Variants in DNM3 observed in about 807,000 individuals in gnomAD.
DNM3 encodes the protein dynamin-3.
In DNM3, 47 loss-of-function variants were observed where a neutral mutation model predicts 101.6. That is an observed-to-expected ratio of 0.46 (90% CI 0.37 to 0.59). The LOEUF (loss-of-function observed/expected upper bound fraction) is 0.59, where lower values mean the gene tolerates loss of function less well. Ranked by LOEUF, DNM3 falls within the 20% of genes least tolerant of loss-of-function variation. The probability of loss-of-function intolerance (pLI) is 0.00; values close to 1 mark genes in which losing one functional copy is unlikely to be tolerated. For missense variants in DNM3, 849 were observed against 1,085.7 expected (o/e 0.78, Z 3.06); for synonymous variants, 385 against 387.9 (o/e 0.99, Z 0.09).
chr1:172,197,460 T>C (rs141678793), intron 14 of DNM3, among the ~76,000 whole-genome samples: 1,897 of 152,336 alleles, frequency 0.012, 30 homozygotes, highest in South Asian at 0.021. Flanking sequence ...CATTGGTAGT[T>C]TGATAGGAAT....
chr1:172,044,405 A>C lies in DNM3; in HGVS notation c.1149A>C (p.Glu383Asp). ...EIVKMEFNEK[E>D]LRREISYAIK... is the part of the protein sequence containing the mutation. ...TGCAGATGGAGTTCAATGAGAAAGAATTGCGAAGAGAAATAAGCTATGCAA... is the reference window on the plus strand; with the variant it reads ...TGCAGATGGAGTTCAATGAGAAAGACTTGCGAAGAGAAATAAGCTATGCAA... The change falls in exon 9 of 21, where the codon GAA (glutamate) becomes GAC (aspartate). Residue 383 changes from glutamate to aspartate, a missense_variant. Glu to Asp is a conservative substitution (Grantham distance 45). Transcript: ENST00000627582. 1 of 1,608,662 alleles carries C rather than the reference A, an allele frequency of 6.2e-7. No individual in the cohort carries two copies. Among genetic ancestry groups the C allele is most frequent in the Non-Finnish European group, 8.5e-7 (1 of 1,177,490 alleles).
At chr1:172,340,681 A>G (rs2148957750) in intron 17 of DNM3, among the ~76,000 whole-genome samples, 1 of 152,308 alleles carries the variant, frequency 6.6e-6, no homozygotes, top group South Asian at 2.1e-4. Context: ...TCAGTTGGGG[A>G]AGGGGGAAGC....
At chr1:172,358,775 G>A (rs1156379397) in intron 17 of DNM3, among the ~76,000 whole-genome samples, 2 of 152,006 alleles carry the variant, frequency 1.3e-5, no homozygotes, top group Admixed American at 1.3e-4. Flanking sequence ...AGTATAAAGG[G>A]AATGTTGCCA....
intron 2 of DNM3, among the ~76,000 whole-genome samples, chr1:171,935,149 GAATA>G (rs2041309610): frequency 6.6e-6 from 1 of 151,736 alleles, no homozygotes; most frequent in South Asian, 2.1e-4. Flanking sequence ...ATGTAAAGGA[GAATA>G]AATATATAAA....
At chr1:171,989,530 G>GA (rs1333235201) in intron 4 of DNM3, among the ~76,000 whole-genome samples, 1 of 152,056 alleles carries the variant, frequency 6.6e-6, no homozygotes, top group Non-Finnish European at 1.5e-5. Flanking sequence ...TGCTTCCAGT[G>GA]AAAAACCTTT....
chr1:172,327,872 G>T (rs1034335921), intron 17 of DNM3, among the ~76,000 whole-genome samples: 6 of 152,086 alleles, frequency 3.9e-5, no homozygotes, highest in Non-Finnish European at 8.8e-5. Flanking sequence ...GTCAATCATT[G>T]CATCACCAGT....
At chr1:172,282,346 A>G (rs2063522399) in intron 15 of DNM3, among the ~76,000 whole-genome samples, 1 of 152,184 alleles carries the variant, frequency 6.6e-6, no homozygotes, top group Non-Finnish European at 1.5e-5. Flanking sequence ...AATGCTTTGC[A>G]TGCATTATTT....
intron 12 of DNM3, among the ~76,000 whole-genome samples, chr1:172,086,262 T>A (rs1219030541): frequency 6.6e-6 from 1 of 152,188 alleles, no homozygotes; most frequent in East Asian, 1.9e-4. Flanking sequence ...TTAAAGATCC[T>A]GGAGGAGAAA....
chr1:171,883,183 T>C (rs1376527918), intron 1 of DNM3, among the ~76,000 whole-genome samples: 1 of 151,932 alleles, frequency 6.6e-6, no homozygotes, highest in East Asian at 2.0e-4. Context: ...TCTCTTATCA[T>C]TGGATATTTA....
chr1:172,110,933 G>T (rs1456405500), intron 13 of DNM3, among the ~76,000 whole-genome samples: 3 of 152,208 alleles, frequency 2.0e-5, no homozygotes, highest in Non-Finnish European at 4.4e-5. Context: ...CTACTCAGGA[G>T]GCTAATGTGG....
intron 2 of DNM3, among the ~76,000 whole-genome samples, chr1:171,927,050 C>T (rs2040627056): frequency 6.6e-6 from 1 of 152,030 alleles, no homozygotes; most frequent in African/African-American, 2.4e-5. Context: ...CTAACCAGGA[C>T]AGCTGGGGAA....
chr1:171,899,690 T>C (rs1260105843), intron 1 of DNM3, among the ~76,000 whole-genome samples: 3 of 152,254 alleles, frequency 2.0e-5, no homozygotes, highest in Non-Finnish European at 4.4e-5. Flanking sequence ...TGAGGGCCTA[T>C]GCTATACCAG....
At chr1:171,948,660 A>G (rs888653781) in intron 2 of DNM3, among the ~76,000 whole-genome samples, 4 of 152,168 alleles carry the variant, frequency 2.6e-5, no homozygotes, top group African/African-American at 7.2e-5. Context: ...TACTGGTTCT[A>G]CTGGAACCCT....
intron 17 of DNM3, among the ~76,000 whole-genome samples, chr1:172,354,924 T>A (rs2067374805): frequency 6.6e-6 from 1 of 152,026 alleles, no homozygotes; most frequent in South Asian, 2.1e-4. Context: ...GTGAAAATGG[T>A]GAATCAAGAA....
At chr1:171,882,362 C>G (rs1325950528) in intron 1 of DNM3, among the ~76,000 whole-genome samples, 1 of 121,886 alleles carries the variant, frequency 8.2e-6, no homozygotes, top group African/African-American at 3.1e-5. Context: ...AAAAAAAGCC[C>G]TTTTGCATAA....
chr1:172,119,697 G>C (rs2056175927), intron 13 of DNM3, among the ~76,000 whole-genome samples: 2 of 152,122 alleles, frequency 1.3e-5, no homozygotes, highest in Non-Finnish European at 2.9e-5. Context: ...TACAGCCAAT[G>C]ATCTATTTCA....
chr1:172,109,554 A>G (rs1163632653), intron 13 of DNM3, among the ~76,000 whole-genome samples: 2 of 152,162 alleles, frequency 1.3e-5, no homozygotes, highest in Non-Finnish European at 2.9e-5. Context: ...TTCATAATTC[A>G]TGTCACTGAT....
rs551007231 is a variant in DNM3 at position 172,155,968 on chromosome 1, G to A, written c.1659+24680G>A. Among the ~76,000 whole-genome samples, 5 of 152,172 alleles carry A rather than the reference G, an allele frequency of 3.3e-5. No individual in the cohort carries two copies. The South Asian group carries it at 8.3e-4, about 25-fold the overall frequency. Reference sequence around the variant, plus strand: ...AAGGAGCTAGAAGGCCTTGGTGTGCGTCCAGCTTGACTGCTTACTTTGCTG... The same window carrying A: ...AAGGAGCTAGAAGGCCTTGGTGTGCATCCAGCTTGACTGCTTACTTTGCTG... On this transcript the variant is annotated intron_variant, in intron 14 of 20. Coordinates refer to ENST00000627582, the MANE Select transcript of DNM3 (RefSeq NM_015569.5).
At chr1:172,288,107 G>A (rs969664966) in intron 15 of DNM3, among the ~76,000 whole-genome samples, 5 of 152,164 alleles carry the variant, frequency 3.3e-5, no homozygotes, top group African/African-American at 1.2e-4. Context: ...TAGGTTCTAA[G>A]AGGAACATGT....
Sources: gnomAD v4.1 joint callset for allele counts (sites outside exome capture counted in the v4.1 genomes callset) on GRCh38, gnomAD v4.1.1 for gene constraint, MANE v1.5 for transcripts, NCBI Gene and HGNC (gene_info 2026-07-23, HGNC 2026-07-21) for gene names.